Variants in CDK13 observed in about 807,000 individuals in gnomAD.
CDK13 encodes cyclin dependent kinase 13.
A neutral mutation model predicts 137.6 loss-of-function variants in CDK13; 40 were observed. That is an observed-to-expected ratio of 0.29 (90% CI 0.23 to 0.38). CDK13 has a LOEUF of 0.38. Among genes scored for constraint, CDK13 ranks in the 10% least tolerant of loss-of-function variants. The probability of loss-of-function intolerance (pLI) is 1.00; values close to 1 mark genes in which losing one functional copy is unlikely to be tolerated. For missense variants in CDK13, 1,704 were observed against 1,951.8 expected (o/e 0.87, Z 2.39); for synonymous variants, 869 against 760.1 (o/e 1.14, Z -2.36).
chr7:39,956,013 T>C (rs1190142236), intron 1 of CDK13, among the ~76,000 whole-genome samples: 2 of 152,156 alleles, frequency 1.3e-5, no homozygotes, highest in African/African-American at 2.4e-5. Context: ...TATTGTTATA[T>C]GTGGTACCTC....
intron 6 of CDK13, among the ~76,000 whole-genome samples, chr7:40,047,528 A>G (rs1486674768): frequency 6.6e-6 from 1 of 152,038 alleles, no homozygotes; most frequent in Non-Finnish European, 1.5e-5. Flanking sequence ...TGCTTTTCTA[A>G]ATAGGAACTG....
intron 7 of CDK13, among the ~76,000 whole-genome samples, chr7:40,058,995 C>T (rs1786081541): frequency 6.6e-6 from 1 of 152,048 alleles, no homozygotes; most frequent in African/African-American, 2.4e-5. Context: ...CAGACTTTAT[C>T]ATATGTTGTT....
intron 9 of CDK13, chr7:40,071,312 A>G (rs1321589601): frequency 6.6e-6 from 1 of 152,218 alleles, no homozygotes; most frequent in Non-Finnish European, 1.5e-5. Flanking sequence ...TAATAATGTT[A>G]ACATGTTTTA....
intron 2 of CDK13, among the ~76,000 whole-genome samples, chr7:39,996,487 A>T (rs1180161769): frequency 6.6e-6 from 1 of 152,216 alleles, no homozygotes; most frequent in Non-Finnish European, 1.5e-5. Context: ...AAGCTAATGG[A>T]GTTTAAATTT....
Position 39,964,500 on chromosome 7 carries a change from A to C in CDK13, c.1211+12648A>C, listed in dbSNP as rs868831381. Among the ~76,000 whole-genome samples the C allele has an allele frequency of 5.2e-5, 7 of 134,238 alleles. No individual in the cohort carries two copies. In the South Asian group the frequency reaches 1.4e-3, roughly 27 times the overall value. The allele number at this position is 134,238 out of a possible 152,430, so 88.1% of individuals were successfully genotyped here. A position where few individuals can be genotyped will look rare whatever the true frequency, so the allele number is the denominator to read the frequency against. On this transcript the variant is annotated intron_variant, in intron 1 of 13. Transcript: ENST00000181839. The stretch of plus-strand genomic sequence containing the variant: ...TATCATTTTTTATTGCATCTATTTG[A>C]TTCTTCTCTCTTTTTTCTTTATTAG...
rs1007429862 is a variant in CDK13 at position 39,987,682 on chromosome 7, G to C, written c.1295G>C (p.Arg432Thr). 2 of 1,613,920 alleles carry C rather than the reference G, an allele frequency of 1.2e-6. No homozygotes were observed. The highest frequency in any genetic ancestry group is 1.3e-5 in the African/African-American group (1 of 74,982). ...AGCAGGCACAGATTGTCTAGATCCA[G>C]AAGTCGTCATTCTAGTATTTCTCCT... ...SRSRHRLSRS[R>T]SRHSSISPST... The change falls in exon 2 of 14, where the codon AGA becomes ACA. Residue 432 changes from arginine (R) to threonine (T), a missense_variant. Transcript: ENST00000181839.
chr7:40,080,098 C>T lies in CDK13; in HGVS notation c.3029+1247C>T, dbSNP rs138849830. 1.1e-3 allele frequency among the ~76,000 whole-genome samples: 164 copies of T among 152,294 alleles called. 5 individuals are homozygous for T. The East Asian group carries it at 0.028, about 26-fold the overall frequency. On this transcript the variant is annotated intron_variant, in intron 11 of 13. Transcript: ENST00000181839. ...TGCGTCTCAGGTTCAAGTGATTCTC[C>T]TGCTTCAGCCTCCCGAGTAGCTGGG...
rs1415816603 is a variant in CDK13, at chr7:40,010,445, A to G, written c.2353+8414A>G. 2.0e-5 allele frequency among the ~76,000 whole-genome samples: 3 copies of G among 152,336 alleles called. No homozygotes were observed. In the East Asian group the frequency reaches 5.8e-4, roughly 29 times the overall value. ...ACACCTGTAATCCCAGCACCTTGGG[A>G]GGCCAAGGCAGGCAGATCACTTGAG... On this transcript the variant is annotated intron_variant, in intron 5 of 13. Transcript: ENST00000181839.
chr7:40,001,320 C>T (rs1490534472), intron 4 of CDK13, among the ~76,000 whole-genome samples: 5 of 151,612 alleles, frequency 3.3e-5, no homozygotes, highest in Non-Finnish European at 5.9e-5. Flanking sequence ...CTCCACCTCC[C>T]GGGTTCAAGT....
rs907285806 is a variant in CDK13, at chr7:39,951,664, C to T, written c.1023C>T (p.Pro341=). The change falls in exon 1 of 14, where the codon CCC becomes CCT. Residue 341 remains proline (P), a synonymous_variant. Coordinates refer to ENST00000181839, the MANE Select transcript of CDK13 (RefSeq NM_003718.5). ...ASQSLRSRKS[P]SPAGGGSSPY... ...AGAGCCTGAGGAGCCGCAAGTCCCCCAGCCCGGCAGGAGGTGGCAGCAGCC... is the reference window on the plus strand; with the variant it reads ...AGAGCCTGAGGAGCCGCAAGTCCCCTAGCCCGGCAGGAGGTGGCAGCAGCC... 1.4e-6 allele frequency: 2 copies of T among 1,475,968 alleles called. No individual in the cohort carries two copies. The highest frequency in any genetic ancestry group is 1.8e-6 in the Non-Finnish European group (2 of 1,118,426). 91.4% of individuals were successfully genotyped at this position (1,475,968 alleles called of 1,614,324 possible).
chr7:39,964,634 C>G (rs1783827405), intron 1 of CDK13, among the ~76,000 whole-genome samples: 2 of 143,698 alleles, frequency 1.4e-5, no homozygotes, highest in Non-Finnish European at 3.0e-5. Flanking sequence ...TCCTTCAGTT[C>G]TGCTCTGATC....
intron 5 of CDK13, among the ~76,000 whole-genome samples, chr7:40,009,016 AAG>A (rs1784845496): frequency 6.6e-6 from 1 of 152,182 alleles, no homozygotes; most frequent in Non-Finnish European, 1.5e-5. Flanking sequence ...GAAGAGGAGA[AAG>A]AAGAATGTTA....
intron 5 of CDK13, among the ~76,000 whole-genome samples, chr7:40,038,485 C>G (rs956574577): frequency 6.6e-6 from 1 of 152,046 alleles, no homozygotes; most frequent in Non-Finnish European, 1.5e-5. Flanking sequence ...GGTACAAGTT[C>G]CTAGAATTGG....
At chr7:40,054,807 A>T (rs1785974354) in intron 7 of CDK13, among the ~76,000 whole-genome samples, 1 of 152,186 alleles carries the variant, frequency 6.6e-6, no homozygotes, top group South Asian at 2.1e-4. Context: ...TTTGTTTTCT[A>T]ATGTGTTACT....
chr7:40,043,343 T>TGACACA (rs1785656853), intron 5 of CDK13, among the ~76,000 whole-genome samples: 1 of 152,314 alleles, frequency 6.6e-6, no homozygotes, highest in Admixed American at 6.5e-5. Context: ...TCAGTCCCTA[T>TGACACA]GGTATGACAC....
At chr7:40,042,072 A>AT (rs1313867588) in intron 5 of CDK13, among the ~76,000 whole-genome samples, 2 of 151,872 alleles carry the variant, frequency 1.3e-5, no homozygotes, top group South Asian at 2.1e-4. Context: ...TGGGATTGGT[A>AT]TTTTTTTGTA....
intron 5 of CDK13, among the ~76,000 whole-genome samples, chr7:40,025,786 T>G (rs1435975119): frequency 6.6e-6 from 1 of 152,260 alleles, no homozygotes; most frequent in African/African-American, 2.4e-5. Flanking sequence ...AATTTATTGT[T>G]TTATTGGTAT....
intron 5 of CDK13, among the ~76,000 whole-genome samples, chr7:40,006,632 G>A (rs1784800915): frequency 6.6e-6 from 1 of 151,944 alleles, no homozygotes; most frequent in Admixed American, 6.6e-5. Context: ...TGGCCAAGAG[G>A]CCAGCTGGGT....
intron 2 of CDK13, among the ~76,000 whole-genome samples, chr7:39,992,673 CT>C (rs1475873184): frequency 2.0e-5 from 3 of 151,974 alleles, no homozygotes; most frequent in East Asian, 1.9e-4. Context: ...TACTCCCCCC[CT>C]ACCCCCTGCC....
Sources: gnomAD v4.1 joint callset for allele counts (sites outside exome capture counted in the v4.1 genomes callset) on GRCh38, gnomAD v4.1.1 for gene constraint, MANE v1.5 for transcripts, NCBI Gene and HGNC (gene_info 2026-07-23, HGNC 2026-07-21) for gene names.